The following LRRC37B variants were observed in gnomAD, a reference collection of about 807,000 sequenced individuals.
LRRC37B encodes leucine-rich repeat-containing protein 37B.
In LRRC37B, 28 loss-of-function variants were observed where a neutral mutation model predicts 98.3. The ratio of observed to expected loss-of-function variants is 0.28; its 90% CI spans 0.21 to 0.39. The LOEUF is 0.39. LRRC37B is among the 10% of genes least tolerant of loss of function. The pLI, the probability that LRRC37B is intolerant of heterozygous loss-of-function variation, is 1.00. For missense variants in LRRC37B, 938 were observed against 1,182.7 expected, an observed-to-expected ratio of 0.79 and a Z score of 3.03; for synonymous variants, 364 against 442.7, an observed-to-expected ratio of 0.82 and a Z score of 2.23.
At chr17:32,030,983 C>G (rs1288936727) in intron 4 of LRRC37B, among the ~76,000 whole-genome samples, 4 of 152,248 alleles carry the variant, frequency 2.6e-5, no homozygotes, top group South Asian at 4.1e-4. Context: ...TCCAGAGACA[C>G]TTTTGCTTGA....
chr17:32,027,413 GTGTGTGTGCGTGCTTGCC>G (rs1313188651), intron 2 of LRRC37B, among the ~76,000 whole-genome samples: 6 of 149,720 alleles, frequency 4.0e-5, no homozygotes, highest in South Asian at 2.1e-4. Flanking sequence ...GTGCTTGCAA[GTGTGTGTGCGTGCTTGCC>G]TGTGTGTGTG....
chr17:32,022,662 G>C lies in LRRC37B; in HGVS notation c.1597G>C (p.Glu533Gln), dbSNP rs752168572. ...TTCGCAGGATTCATTGGTGCAGTCT[G>C]AAACTGCACCAGAGGAACAGAAGGC... is the stretch of plus-strand genomic sequence containing the variant. Residue 533 changes from glutamate to glutamine, a missense_variant, in exon 1 of 12, where the codon GAA becomes CAA. Coordinates refer to ENST00000327564, the Ensembl canonical transcript of LRRC37B. 1.2e-5 allele frequency: 19 copies of C among 1,614,020 alleles called. No homozygotes were observed. In the East Asian group the frequency reaches 3.8e-4, roughly 32 times the overall value.
intron 7 of LRRC37B, among the ~76,000 whole-genome samples, chr17:32,037,261 G>A (rs1191097923): frequency 1.3e-5 from 2 of 151,844 alleles, no homozygotes; most frequent in East Asian, 3.9e-4. Context: ...GGTTACAGGC[G>A]TGAGCCACCA....
At chr17:32,008,616 G>A (rs1910463335) in intron 1 of LRRC37B, among the ~76,000 whole-genome samples, 1 of 152,140 alleles carries the variant, frequency 6.6e-6, no homozygotes, top group Admixed American at 6.5e-5. Context: ...ACAGATTGTG[G>A]CACACAGACA....
chr17:32,051,599 G>C (rs1393603275), intron 11 of LRRC37B: 1 of 152,226 alleles, frequency 6.6e-6, no homozygotes, highest in Non-Finnish European at 1.5e-5. Context: ...GACTTCAGAG[G>C]CTGAAGTGGG....
exon 1 of LRRC37B, chr17:32,021,248 G>T (rs1410034629): frequency 6.2e-7 from 1 of 1,612,678 alleles, no homozygotes; most frequent in Non-Finnish European, 8.5e-7. Flanking sequence ...TCAAGGACCC[G>T]CTCCAGCTGA....
intron 7 of LRRC37B, chr17:32,040,573 T>C: frequency 1.3e-6 from 1 of 765,440 alleles, no homozygotes; most frequent in South Asian, 1.4e-5. Flanking sequence ...GTGACGGAAA[T>C]GCTGGCAAGG....
At chr17:32,031,790 G>A (rs1911117872) in intron 5 of LRRC37B, among the ~76,000 whole-genome samples, 1 of 151,476 alleles carries the variant, frequency 6.6e-6, no homozygotes, top group Non-Finnish European at 1.5e-5. Context: ...GATCACCTGA[G>A]GTCAGGAGTT....
At chr17:32,038,977 T>C (rs979699192) in intron 7 of LRRC37B, among the ~76,000 whole-genome samples, 1 of 152,230 alleles carries the variant, frequency 6.6e-6, no homozygotes, top group African/African-American at 2.4e-5. Flanking sequence ...TTTTTGTTTC[T>C]TACCTAAGAA....
intron 7 of LRRC37B, among the ~76,000 whole-genome samples, chr17:32,036,610 C>CAG (rs1411311414): frequency 6.6e-6 from 1 of 152,118 alleles, no homozygotes; most frequent in Non-Finnish European, 1.5e-5. Context: ...TTGGTATCTG[C>CAG]AGGGGGTCCT....
At chr17:32,045,659 C>T (rs779363911) in intron 7 of LRRC37B, 41 bp from the exon 11 acceptor site, 22 of 1,601,498 alleles carry the variant, frequency 1.4e-5, no homozygotes, top group Middle Eastern at 2.1e-4. Flanking sequence ...CTCAAGTAAC[C>T]GCTTTACCAC....
chr17:32,012,624 G>GA (rs1208747622), intron 1 of LRRC37B, among the ~76,000 whole-genome samples: 1 of 152,186 alleles, frequency 6.6e-6, no homozygotes, highest in Non-Finnish European at 1.5e-5. Context: ...GTTGAGGCAA[G>GA]AGAATCACTG....
intron 5 of LRRC37B, among the ~76,000 whole-genome samples, chr17:32,031,902 G>T (rs1364010490): frequency 6.6e-6 from 1 of 151,924 alleles, no homozygotes; most frequent in Non-Finnish European, 1.5e-5. Context: ...GGAGGACTTT[G>T]TGTTAAGCTT....
intron 7 of LRRC37B, among the ~76,000 whole-genome samples, chr17:32,039,561 ATATATATATTTC>A (rs1911364395): frequency 8.1e-6 from 1 of 123,012 alleles, no homozygotes; most frequent in African/African-American, 3.2e-5. Context: ...TATATATTCT[ATATATATATTTC>A]TATATATATT....
chr17:32,023,770 C>T (rs1205183941), intron 1 of LRRC37B, among the ~76,000 whole-genome samples: 1 of 152,164 alleles, frequency 6.6e-6, no homozygotes, highest in Non-Finnish European at 1.5e-5. Flanking sequence ...TTATATGTAG[C>T]ACTCATTTTG....
intron 2 of LRRC37B, among the ~76,000 whole-genome samples, chr17:32,026,427 A>G (rs1339106994): frequency 1.3e-5 from 2 of 152,124 alleles, no homozygotes; most frequent in Admixed American, 1.3e-4. Context: ...AGGCAGGAGA[A>G]TTGCTTTATT....
Position 32,044,882 on chromosome 17 carries a change from C to T in LRRC37B, c.2205-818C>T, listed in dbSNP as rs575601880. On this transcript the variant is annotated intron_variant, in intron 7 of 11. Transcript: ENST00000327564. ...TTCAGCCTAGGTGACAGACTGAGAC[C>T]TTGTCTCATAAAAAAATAAAAAATA... is the stretch of plus-strand genomic sequence containing the variant. Among the ~76,000 whole-genome samples the T allele has an allele frequency of 1.5e-3, 226 of 152,168 alleles. 2 individuals are homozygous for T. Among genetic ancestry groups the T allele is most frequent in the African/African-American group, 5.2e-3 (216 of 41,518 alleles).
At chr17:32,035,607 C>G (rs1448686398) in exon 7 of LRRC37B, 1 of 1,611,864 alleles carries the variant, frequency 6.2e-7, no homozygotes, top group African/African-American at 1.3e-5. Flanking sequence ...CACTTAAGAA[C>G]ATTCTCACGA....
intron 11 of LRRC37B, chr17:32,051,716 C>T (rs1165400173): frequency 2.6e-5 from 4 of 152,076 alleles, no homozygotes; most frequent in African/African-American, 7.2e-5. Flanking sequence ...CAGCCACCAC[C>T]AAAAACTATC....
Sources: allele counts gnomAD v4.1 joint callset (sites outside exome capture counted in the v4.1 genomes callset), GRCh38; gene constraint gnomAD v4.1.1; transcripts MANE v1.5; gene names NCBI Gene and HGNC (gene_info 2026-07-23, HGNC 2026-07-21).